Variants in NFIA observed in about 807,000 individuals in gnomAD.
The protein encoded by NFIA is nuclear factor I A.
NFIA carries 8 observed loss-of-function variants against 62.8 expected under a neutral mutation model. That is an observed-to-expected ratio of 0.13 (90% confidence interval 0.07 to 0.23). The LOEUF is 0.23. Among genes scored for constraint, NFIA ranks in the 10% least tolerant of loss-of-function variants. NFIA has a pLI of 1.00. For missense variants in NFIA, 410 were observed against 642.1 expected (o/e 0.64, Z 3.91); for synonymous variants, 235 against 238.1 (o/e 0.99, Z 0.12).
At chr1:61,128,846 A>G (rs1489193150) in intron 2 of NFIA, among the ~76,000 whole-genome samples, 1 of 150,222 alleles carries the variant, frequency 6.7e-6, no homozygotes, top group Non-Finnish European at 1.5e-5. Flanking sequence ...TACTTAGTGA[A>G]GGGACTTTCC....
intron 2 of NFIA, among the ~76,000 whole-genome samples, chr1:61,142,161 T>C (rs1016455409): frequency 7.2e-5 from 11 of 152,198 alleles, no homozygotes; most frequent in African/African-American, 2.7e-4. Flanking sequence ...GAAATTTCCA[T>C]TTAAGAAAGA....
At chr1:61,356,897 T>C (rs1662982196) in intron 5 of NFIA, among the ~76,000 whole-genome samples, 1 of 152,230 alleles carries the variant, frequency 6.6e-6, no homozygotes. Flanking sequence ...TTCAGATTGC[T>C]GCAATAGCTT....
chr1:61,299,253 A>G lies in NFIA; in HGVS notation c.625+21668A>G, dbSNP rs115719817. Among the ~76,000 whole-genome samples, 924 of 152,214 alleles carry G rather than the reference A, an allele frequency of 6.1e-3. 16 individuals are homozygous for G. Among genetic ancestry groups the G allele is most frequent in the Non-Finnish European group, 5.2e-3 (351 of 67,990 alleles). On this transcript the variant is annotated intron_variant, in intron 3 of 10. Transcript: ENST00000403491. ...TTTAGTGCCATTCCAGCAATTTTGC[A>G]TCTTGATCTTTTTATTGATTAGAAT...
intron 2 of NFIA, among the ~76,000 whole-genome samples, chr1:61,189,217 G>GC (rs1651430476): frequency 6.6e-6 from 1 of 152,168 alleles, no homozygotes; most frequent in Admixed American, 6.5e-5. Context: ...AAGCTAAGCA[G>GC]ACAAGGACAA....
chr1:61,115,786 G>T (rs570883238), intron 2 of NFIA, among the ~76,000 whole-genome samples: 1 of 152,172 alleles, frequency 6.6e-6, no homozygotes, highest in African/African-American at 2.4e-5. Context: ...CCCCAGAGAG[G>T]GAGAAGGTCC....
At chr1:61,203,970 A>G (rs992750890) in intron 2 of NFIA, among the ~76,000 whole-genome samples, 2 of 152,070 alleles carry the variant, frequency 1.3e-5, no homozygotes, top group African/African-American at 4.8e-5. Context: ...AGGTGTGTGT[A>G]TGAGCTGTAG....
intron 2 of NFIA, among the ~76,000 whole-genome samples, chr1:61,218,329 G>A (rs2100613245): frequency 6.6e-6 from 1 of 152,296 alleles, no homozygotes; most frequent in East Asian, 1.9e-4. Flanking sequence ...ACTTCAAGAG[G>A]TCAAAGAATC....
At chr1:61,097,339 A>G (rs1401947176) in intron 2 of NFIA, among the ~76,000 whole-genome samples, 1 of 152,204 alleles carries the variant, frequency 6.6e-6, no homozygotes, top group Non-Finnish European at 1.5e-5. Context: ...AGTGCTCTAC[A>G]GGTTAAAAAA....
intron 6 of NFIA, among the ~76,000 whole-genome samples, chr1:61,382,693 G>A (rs543844955): frequency 2.6e-5 from 4 of 152,110 alleles, no homozygotes; most frequent in African/African-American, 9.6e-5. Context: ...CAATTGTAGG[G>A]CATTTAAGAT....
intron 2 of NFIA, among the ~76,000 whole-genome samples, chr1:61,201,115 C>T (rs1169442567): frequency 1.3e-5 from 2 of 152,184 alleles, no homozygotes; most frequent in Non-Finnish European, 2.9e-5. Flanking sequence ...AGTAAGATCT[C>T]ACATACTTTC....
intron 4 of NFIA, among the ~76,000 whole-genome samples, chr1:61,348,449 G>A (rs1280224112): frequency 1.3e-5 from 2 of 152,208 alleles, no homozygotes; most frequent in African/African-American, 4.8e-5. Context: ...TCAGAAGTCT[G>A]ATAGACACTT....
At chr1:61,100,445 A>C (rs891529762) in intron 2 of NFIA, among the ~76,000 whole-genome samples, 1 of 152,182 alleles carries the variant, frequency 6.6e-6, no homozygotes, top group Non-Finnish European at 1.5e-5. Context: ...GAGATGCAAA[A>C]CTGAAGAAAA....
At chr1:61,253,483 G>A (rs940815871) in intron 2 of NFIA, 2 of 152,344 alleles carry the variant, frequency 1.3e-5, no homozygotes, top group African/African-American at 4.8e-5. Flanking sequence ...ATGGCTTACT[G>A]CTGTGGCTCA....
At chr1:61,405,102 A>G (rs1360942933) in intron 8 of NFIA, among the ~76,000 whole-genome samples, 1 of 152,214 alleles carries the variant, frequency 6.6e-6, no homozygotes, top group African/African-American at 2.4e-5. Flanking sequence ...CATAATTATT[A>G]CTGGCCAATT....
intron 2 of NFIA, among the ~76,000 whole-genome samples, chr1:61,155,267 A>G (rs909153329): frequency 6.6e-6 from 1 of 152,244 alleles, no homozygotes; most frequent in African/African-American, 2.4e-5. Flanking sequence ...AAGACTGCTC[A>G]TACATGCTGG....
chr1:61,126,405 A>G (rs1369197472), intron 2 of NFIA, among the ~76,000 whole-genome samples: 1 of 145,858 alleles, frequency 6.9e-6, no homozygotes, highest in African/African-American at 2.5e-5. Flanking sequence ...GGCCTCTGCC[A>G]TCTTTTACCT....
chr1:61,106,131 C>CTATG (rs1433764273), intron 2 of NFIA, among the ~76,000 whole-genome samples: 1 of 150,468 alleles, frequency 6.6e-6, no homozygotes, highest in Non-Finnish European at 1.5e-5. Flanking sequence ...ATCTATCTAT[C>CTATG]TATATCTTAC....
chr1:61,102,267 G>A (rs964091), intron 2 of NFIA, among the ~76,000 whole-genome samples: 21,953 of 152,014 alleles, frequency 0.14, 2,060 homozygotes, highest in East Asian at 0.45. Context: ...GACATGAAGC[G>A]AACTTGATAT....
At chr1:61,191,467 T>C (rs190945464) in intron 2 of NFIA, among the ~76,000 whole-genome samples, 2 of 152,134 alleles carry the variant, frequency 1.3e-5, no homozygotes, top group Admixed American at 1.3e-4. Flanking sequence ...TTTTTTTGCC[T>C]CCTCCCTTTC....
Sources: allele counts gnomAD v4.1 joint callset (sites outside exome capture counted in the v4.1 genomes callset), GRCh38; gene constraint gnomAD v4.1.1; transcripts MANE v1.5; gene names NCBI Gene and HGNC (gene_info 2026-07-23, HGNC 2026-07-21).